CDH8: variants seen among roughly 807,000 people sequenced by gnomAD.
CDH8 encodes cadherin 8, also known as cadherin-8.
CDH8 carries 17 observed loss-of-function variants against 68.1 expected under a neutral mutation model. That is an observed-to-expected ratio of 0.25 (90% CI 0.17 to 0.37). The LOEUF (loss-of-function observed/expected upper bound fraction) is 0.37. Among genes scored for constraint, CDH8 ranks in the 10% least tolerant of loss-of-function variants. CDH8 has a pLI of 1.00. For synonymous variants in CDH8, 372 were observed against 365.1 expected, an observed-to-expected ratio of 1.02 and a Z score of -0.21; for missense variants, 763 against 999.3, an observed-to-expected ratio of 0.76 and a Z score of 3.19.
intron 2 of CDH8, among the ~76,000 whole-genome samples, chr16:61,970,437 AT>A (rs1965319140): frequency 6.6e-6 from 1 of 152,194 alleles, no homozygotes; most frequent in South Asian, 2.1e-4. Flanking sequence ...GATAATGGTA[AT>A]TTTTTGACAA....
chr16:61,751,613 G>A (rs1304844876), intron 8 of CDH8, among the ~76,000 whole-genome samples: 2 of 151,902 alleles, frequency 1.3e-5, no homozygotes, highest in African/African-American at 2.4e-5. Flanking sequence ...TCATGGGGTC[G>A]CTGCATAAAA....
chr16:62,007,233 G>A (rs1412942005), intron 2 of CDH8, among the ~76,000 whole-genome samples: 1 of 152,108 alleles, frequency 6.6e-6, no homozygotes, highest in Non-Finnish European at 1.5e-5. Context: ...GAGAGTTTTA[G>A]ACAGATGTAA....
intron 9 of CDH8, among the ~76,000 whole-genome samples, chr16:61,723,256 A>C (rs1959248314): frequency 6.6e-6 from 1 of 150,682 alleles, no homozygotes; most frequent in African/African-American, 2.4e-5. Context: ...TGGTCACTGA[A>C]GTTCTATATT....
chr16:61,904,820 T>C lies in CDH8; in HGVS notation c.253-3347A>G, dbSNP rs566132131. 2.0e-5 allele frequency among the ~76,000 whole-genome samples: 3 copies of C among 152,334 alleles called. No individual in the cohort carries two copies. The South Asian group carries it at 6.2e-4, about 32-fold the overall frequency. The stretch of plus-strand genomic sequence containing the variant: ...TACATGGTTACAAGCTGCTGTTTTT[T>C]CTGCTGCTCTTCACGTAAGGGTGTT... On this transcript the variant is annotated intron_variant, in intron 2 of 11. Coordinates refer to ENST00000577390, the MANE Select transcript of CDH8 (RefSeq NM_001796.5).
rs1962107877 is a variant in CDH8, at chr16:61,817,545, G to A, written c.1211C>T (p.Ala404Val). The change falls in exon 7 of 12, where the codon GCT becomes GTT. Residue 404 changes from alanine (A) to valine (V), a missense_variant. Physicochemically the swap from Ala to Val is moderately conservative, Grantham distance 64. Around this residue, in one of 2 missense-constraint regions of CDH8, gnomAD observed 366 missense variants for 563.1 expected, o/e 0.65. Transcript: ENST00000577390. ...PTYLLEVHENAALNSVIGQVT... is the reference protein window; with the variant it reads ...PTYLLEVHENVALNSVIGQVT... The stretch of plus-strand genomic sequence containing the variant: ...TTGCCCAATCACGGAGTTTAGAGCA[G>A]CATTTTCATGAACTTCAAGTAGGTA... 6.2e-7 allele frequency: 1 copy of A among 1,613,710 alleles called. No homozygotes were observed. The highest frequency in any genetic ancestry group is 8.5e-7 in the Non-Finnish European group (1 of 1,179,800).
At chr16:61,763,715 A>G (rs1197732070) in intron 8 of CDH8, among the ~76,000 whole-genome samples, 38 of 152,110 alleles carry the variant, frequency 2.5e-4, no homozygotes, top group Admixed American at 2.5e-3. Context: ...CAATTCACAT[A>G]GAGTAGATAG....
rs535866895 is a variant in CDH8, at chr16:61,812,353, T to C, written c.1277+5126A>G. 4.5e-4 allele frequency among the ~76,000 whole-genome samples: 69 copies of C among 152,322 alleles called. 3 individuals are homozygous for C. The South Asian group carries it at 0.013, about 30-fold the overall frequency. On this transcript the variant is annotated intron_variant, in intron 7 of 11. Coordinates refer to ENST00000577390, the MANE Select transcript of CDH8 (RefSeq NM_001796.5). Reference sequence around the variant, plus strand: ...TGCTTCTGTGTTGAGTGGGTATTTATATTCAAGAGAGGAATTAGGACAACA... The same window carrying C: ...TGCTTCTGTGTTGAGTGGGTATTTACATTCAAGAGAGGAATTAGGACAACA...
chr16:61,696,727 T>C (rs943970808), intron 10 of CDH8, among the ~76,000 whole-genome samples: 1 of 152,144 alleles, frequency 6.6e-6, no homozygotes, highest in African/African-American at 2.4e-5. Context: ...TAAAGAAATA[T>C]GGTAATATAT....
intron 10 of CDH8, among the ~76,000 whole-genome samples, chr16:61,687,647 C>A (rs370774369): frequency 6.6e-6 from 1 of 152,006 alleles, no homozygotes; most frequent in Non-Finnish European, 1.5e-5. Flanking sequence ...ATAAGAAACA[C>A]CTATTAACAC....
intron 10 of CDH8, among the ~76,000 whole-genome samples, chr16:61,701,518 T>A (rs1964428036): frequency 6.6e-6 from 1 of 152,208 alleles, no homozygotes; most frequent in Non-Finnish European, 1.5e-5. Context: ...ATATATTGTG[T>A]ACATTTGAGT....
In CDH8 at chr16:61,649,579, G is replaced by A. The variant is rs563953912; in HGVS notation, c.*4029C>T. ...AATGATAGGATTTCAGTCATGCTCAGCCTTTCCGACAGTGCCAGTGATGGG... is the reference window on the plus strand; with the variant it reads ...AATGATAGGATTTCAGTCATGCTCAACCTTTCCGACAGTGCCAGTGATGGG... On this transcript the variant is annotated 3_prime_UTR_variant, in exon 12 of 12. Coordinates refer to ENST00000577390, the MANE Select transcript of CDH8 (RefSeq NM_001796.5). The A allele has an allele frequency of 1.3e-5, 2 of 152,002 alleles. No homozygotes were observed. The highest frequency in any genetic ancestry group is 1.9e-4 in the East Asian group (1 of 5,152). The allele number at this position is 152,002 out of a possible 1,614,324, so 9.4% of individuals were successfully genotyped here.
chr16:61,895,094 T>A (rs527997539), intron 3 of CDH8, among the ~76,000 whole-genome samples: 1 of 152,264 alleles, frequency 6.6e-6, no homozygotes, highest in Non-Finnish European at 1.5e-5. Context: ...CATATTCCTA[T>A]ATTGAAAATT....
chr16:61,996,925 T>C (rs1343652372), intron 2 of CDH8, among the ~76,000 whole-genome samples: 1 of 152,142 alleles, frequency 6.6e-6, no homozygotes, highest in Non-Finnish European at 1.5e-5. Context: ...TTGAGTAGTT[T>C]AGCATTTTGT....
At chr16:61,694,497 G>A (rs893907626) in intron 10 of CDH8, among the ~76,000 whole-genome samples, 12 of 152,070 alleles carry the variant, frequency 7.9e-5, no homozygotes, top group African/African-American at 2.9e-4. Flanking sequence ...GGGGTGATGG[G>A]GTTTGGTCAT....
intron 2 of CDH8, among the ~76,000 whole-genome samples, chr16:61,957,211 A>T (rs1213333299): frequency 6.6e-6 from 1 of 152,128 alleles, no homozygotes; most frequent in Admixed American, 6.6e-5. Flanking sequence ...ACACACACAT[A>T]TGCACGCACA....
intron 8 of CDH8, among the ~76,000 whole-genome samples, chr16:61,763,831 T>A (rs945405534): frequency 4.6e-5 from 7 of 152,082 alleles, no homozygotes; most frequent in Non-Finnish European, 7.4e-5. Flanking sequence ...TCTGTATAAT[T>A]TCATAGATCT....
At chr16:61,720,077 A>C (rs965801718) in intron 9 of CDH8, among the ~76,000 whole-genome samples, 2 of 150,820 alleles carry the variant, frequency 1.3e-5, no homozygotes, top group African/African-American at 4.9e-5. Flanking sequence ...TGAAAAACTC[A>C]CTTTGAATAA....
intron 9 of CDH8, among the ~76,000 whole-genome samples, chr16:61,721,959 T>C (rs1025578511): frequency 6.6e-6 from 1 of 150,818 alleles, no homozygotes; most frequent in Non-Finnish European, 1.5e-5. Flanking sequence ...TTTTCACTTA[T>C]GTAAGCAATC....
chr16:61,671,367 A>G (rs981188540), intron 10 of CDH8, among the ~76,000 whole-genome samples: 1 of 151,272 alleles, frequency 6.6e-6, no homozygotes, highest in African/African-American at 2.4e-5. Flanking sequence ...TGGGGAAGCT[A>G]TTATGCTCTG....
Sources: gnomAD v4.1 joint callset for allele counts (sites outside exome capture counted in the v4.1 genomes callset) on GRCh38, gnomAD v4.1.1 for gene constraint, gnomAD v4.1.1 regional missense constraint, MANE v1.5 for transcripts, NCBI Gene and HGNC (gene_info 2026-07-23, HGNC 2026-07-21) for gene names.